The following LDLRAD3 variants were observed in gnomAD, a reference collection of about 807,000 sequenced individuals.
LDLRAD3 encodes low density lipoprotein receptor class A domain containing 3, also known as low-density lipoprotein receptor class A domain-containing protein 3.
Under a neutral mutation model 29.4 loss-of-function variants are expected in LDLRAD3, and 20 were observed. That is an observed-to-expected ratio of 0.68 (90% CI 0.48 to 0.99). The LOEUF is 0.99. Ranked by LOEUF, LDLRAD3 falls within the 50% of genes least tolerant of loss-of-function variation. The pLI is 0.00. For synonymous variants in LDLRAD3, 157 were observed against 192.7 expected (o/e 0.81, Z 1.53); for missense variants, 420 against 454.3 (o/e 0.92, Z 0.69).
At chr11:36,123,299 C>T (rs1168565790) in intron 4 of LDLRAD3, among the ~76,000 whole-genome samples, 1 of 152,182 alleles carries the variant, frequency 6.6e-6, no homozygotes, top group African/African-American at 2.4e-5. Flanking sequence ...ATGATGTGTG[C>T]AACACAAGAG....
At chr11:36,205,711 C>A (rs912361931) in intron 4 of LDLRAD3, among the ~76,000 whole-genome samples, 8 of 152,156 alleles carry the variant, frequency 5.3e-5, no homozygotes, top group African/African-American at 1.9e-4. Flanking sequence ...GGGTTTTTCT[C>A]CTCGGAAGCC....
chr11:36,014,101 C>T (rs1224905698), intron 1 of LDLRAD3, among the ~76,000 whole-genome samples: 1 of 152,186 alleles, frequency 6.6e-6, no homozygotes, highest in South Asian at 2.1e-4. Flanking sequence ...CAAGTGTGTG[C>T]TGAGGTGTTC....
chr11:36,152,345 C>A (rs1258200552), intron 4 of LDLRAD3, among the ~76,000 whole-genome samples: 1 of 152,204 alleles, frequency 6.6e-6, no homozygotes, highest in Non-Finnish European at 1.5e-5. Flanking sequence ...TTATCTAATT[C>A]AGCTTTCGTC....
chr11:36,216,385 A>G (rs1423466378), intron 4 of LDLRAD3, among the ~76,000 whole-genome samples: 1 of 152,240 alleles, frequency 6.6e-6, no homozygotes, highest in African/African-American at 2.4e-5. Flanking sequence ...ATGAAGAGTC[A>G]CAGTGGACAT....
chr11:36,128,775 G>A (rs1404349869), intron 4 of LDLRAD3, among the ~76,000 whole-genome samples: 1 of 151,920 alleles, frequency 6.6e-6, no homozygotes, highest in African/African-American at 2.4e-5. Context: ...CTTGAACCCA[G>A]GAGGCTGAGG....
chr11:36,140,852 C>T (rs1378678529), intron 4 of LDLRAD3, among the ~76,000 whole-genome samples: 2 of 152,042 alleles, frequency 1.3e-5, no homozygotes, highest in Admixed American at 6.6e-5. Flanking sequence ...CCTAGGAGCA[C>T]GAGGGGTGAG....
intron 4 of LDLRAD3, among the ~76,000 whole-genome samples, chr11:36,172,081 G>A (rs1048429138): frequency 6.6e-6 from 1 of 152,052 alleles, no homozygotes; most frequent in African/African-American, 2.4e-5. Flanking sequence ...TGTTTGTTTT[G>A]CAGCTATTGC....
Position 36,231,557 on chromosome 11 carries a change from C to G in LDLRAD3, c.*2160C>G, listed in dbSNP as rs1048154611. The G allele has an allele frequency of 6.6e-6, 1 of 152,094 alleles. No homozygotes were observed. The highest frequency in any genetic ancestry group is 1.5e-5 in the Non-Finnish European group (1 of 68,020). 9.4% of individuals were successfully genotyped at this position (152,094 alleles called of 1,614,324 possible). A position where few individuals can be genotyped will look rare whatever the true frequency, so the allele number is the denominator to read the frequency against. ...AAAGAATTCTAATTTTAATTAATTG[C>G]GCAGTGAGTTAATCTCACTCGCTTT... On this transcript the variant is annotated 3_prime_UTR_variant, in exon 6 of 6. Transcript: ENST00000315571.
intron 3 of LDLRAD3, among the ~76,000 whole-genome samples, chr11:36,095,674 T>C (rs189193011): frequency 8.4e-4 from 128 of 152,210 alleles, no homozygotes; most frequent in African/African-American, 2.7e-3. Flanking sequence ...GTTTGAGAGG[T>C]TGAAAGGGTC....
At chr11:36,141,168 GCT>G (rs1228929114) in intron 4 of LDLRAD3, among the ~76,000 whole-genome samples, 10 of 152,266 alleles carry the variant, frequency 6.6e-5, no homozygotes, top group African/African-American at 2.4e-4. Flanking sequence ...ATGTGAAAAT[GCT>G]CTGTCAACTA....
At chr11:35,975,927 G>A (rs1028799922) in intron 1 of LDLRAD3, among the ~76,000 whole-genome samples, 4 of 151,904 alleles carry the variant, frequency 2.6e-5, no homozygotes, top group Non-Finnish European at 5.9e-5. Context: ...CTGAGAACAG[G>A]TGAGTAGAGC....
chr11:36,040,887 CT>C (rs1565179785), intron 2 of LDLRAD3, among the ~76,000 whole-genome samples: 1 of 152,148 alleles, frequency 6.6e-6, no homozygotes, highest in Non-Finnish European at 1.5e-5. Context: ...TGAAAAGTTA[CT>C]TTTTTTAATT....
intron 1 of LDLRAD3, among the ~76,000 whole-genome samples, chr11:35,974,729 G>A (rs1851455235): frequency 6.6e-6 from 1 of 152,178 alleles, no homozygotes; most frequent in Admixed American, 6.5e-5. Context: ...AGAAAGAGAA[G>A]GACTCCAGCA....
rs1853865657 is a variant in LDLRAD3 at position 36,128,117 on chromosome 11, C to CATATATATATATACATAT, written c.454+29669_454+29670insCATATATATATATATATA. ...CGTATTGATGGCAGAGTTGTTTTTA[C>CATATATATATATACATAT]ATATATATATATATATATGTATATG... On this transcript the variant is annotated intron_variant, in intron 4 of 5. Transcript: ENST00000315571. 7.1e-5 allele frequency among the ~76,000 whole-genome samples: 7 copies of CATATATATATATACATAT among 98,954 alleles called. 1 individual carries two copies. The highest frequency in any genetic ancestry group is 1.6e-4 in the Non-Finnish European group (7 of 43,350). The allele number at this position is 98,954 out of a possible 152,430, so 64.9% of individuals were successfully genotyped here.
At chr11:36,189,949 G>A (rs971974306) in intron 4 of LDLRAD3, among the ~76,000 whole-genome samples, 5 of 151,938 alleles carry the variant, frequency 3.3e-5, no homozygotes, top group African/African-American at 1.2e-4. Context: ...TGGTGTATAT[G>A]TGCCACATAG....
At chr11:36,072,029 A>G (rs1264864754) in intron 2 of LDLRAD3, among the ~76,000 whole-genome samples, 1 of 152,184 alleles carries the variant, frequency 6.6e-6, no homozygotes, top group African/African-American at 2.4e-5. Flanking sequence ...ACAGTGAGCT[A>G]TGTCTTGTGT....
intron 4 of LDLRAD3, among the ~76,000 whole-genome samples, chr11:36,109,249 A>G (rs1304853519): frequency 1.3e-5 from 2 of 152,070 alleles, no homozygotes; most frequent in African/African-American, 4.8e-5. Context: ...AACAGCCTGC[A>G]GGGAAGCTGG....
intron 4 of LDLRAD3, among the ~76,000 whole-genome samples, chr11:36,211,103 G>T (rs974908639): frequency 5.3e-5 from 8 of 152,178 alleles, no homozygotes; most frequent in African/African-American, 1.9e-4. Context: ...AGCCCTTCTT[G>T]GGTCAGTTTG....
Position 36,036,192 on chromosome 11 carries a change from G to C in LDLRAD3, c.136G>C (p.Ala46Pro). 1 of 1,614,156 alleles carries C rather than the reference G, an allele frequency of 6.2e-7. No individual in the cohort carries two copies. The highest frequency in any genetic ancestry group is 8.5e-7 in the Non-Finnish European group (1 of 1,180,022). Reference sequence around the variant, plus strand: ...CAGCAATGGACGGTGCATCCCGGGCGCCTGGCAGTGTGACGGGCTGCCTGA... The same window carrying C: ...CAGCAATGGACGGTGCATCCCGGGCCCCTGGCAGTGTGACGGGCTGCCTGA... Reference protein sequence around the residue: ...MCSNGRCIPGAWQCDGLPDCF... With the variant: ...MCSNGRCIPGPWQCDGLPDCF... Residue 46 changes from alanine to proline, a missense_variant, in exon 2 of 6, where the codon GCC becomes CCC. By Grantham distance (27) the Ala-to-Pro change is conservative (BLOSUM62 -1). Around this residue, in one of 3 missense-constraint regions of LDLRAD3, gnomAD observed 224 missense variants for 222.2 expected, o/e 1.01. Coordinates refer to ENST00000315571, the MANE Select transcript of LDLRAD3 (RefSeq NM_174902.4).
Sources: gnomAD v4.1 joint callset for allele counts (sites outside exome capture counted in the v4.1 genomes callset) on GRCh38, gnomAD v4.1.1 for gene constraint, gnomAD v4.1.1 regional missense constraint, MANE v1.5 for transcripts, NCBI Gene and HGNC (gene_info 2026-07-23, HGNC 2026-07-21) for gene names.